Variants in ABTB3 observed in about 807,000 individuals in gnomAD.
ABTB3 encodes ankyrin repeat- and BTB/POZ domain-containing protein 3.
At chr12:107,458,741 T>A in the ABTB3 span, among the ~76,000 whole-genome samples, 1 of 152,034 alleles carries the variant, frequency 6.6e-6, no homozygotes, top group Non-Finnish European at 1.5e-5. Context: ...ACAGGCTGAG[T>A]TCCTCTAGAT....
chr12:107,583,609 C>T, the ABTB3 span, among the ~76,000 whole-genome samples: 1 of 152,222 alleles, frequency 6.6e-6, no homozygotes, highest in Non-Finnish European at 1.5e-5. Context: ...ATTTTGCAGA[C>T]TGAACATGAG....
chr12:107,341,425 TG>T, the ABTB3 span, among the ~76,000 whole-genome samples: 7 of 152,056 alleles, frequency 4.6e-5, no homozygotes, highest in Non-Finnish European at 1.0e-4. Flanking sequence ...ACCAAGTCAG[TG>T]CAAGACTGAG....
At chr12:107,435,229 C>T in the ABTB3 span, among the ~76,000 whole-genome samples, 1 of 152,280 alleles carries the variant, frequency 6.6e-6, no homozygotes, top group South Asian at 2.1e-4. Context: ...CAGTGCGTAC[C>T]CACCATTTCT....
At chr12:107,337,875 C>T in the ABTB3 span, among the ~76,000 whole-genome samples, 1 of 152,202 alleles carries the variant, frequency 6.6e-6, no homozygotes, top group African/African-American at 2.4e-5. Flanking sequence ...AAAGATAAAG[C>T]AACCACTTGT....
the ABTB3 span, among the ~76,000 whole-genome samples, chr12:107,342,791 T>G: frequency 6.6e-6 from 1 of 152,316 alleles, no homozygotes; most frequent in Admixed American, 6.5e-5. Context: ...TCAGCTTCAC[T>G]GCTGCAAATC....
chr12:107,579,710 T>C, the ABTB3 span, among the ~76,000 whole-genome samples: 1 of 152,220 alleles, frequency 6.6e-6, no homozygotes, highest in Non-Finnish European at 1.5e-5. Flanking sequence ...GTGGCCATGC[T>C]GGACTGAATG....
At chr12:107,430,616 T>C in the ABTB3 span, among the ~76,000 whole-genome samples, 1 of 152,212 alleles carries the variant, frequency 6.6e-6, no homozygotes, top group Non-Finnish European at 1.5e-5. Flanking sequence ...CCTTTCTCAA[T>C]GTATTGGCTG....
the ABTB3 span, among the ~76,000 whole-genome samples, chr12:107,539,945 G>A: frequency 9.9e-5 from 15 of 152,158 alleles, no homozygotes; most frequent in Non-Finnish European, 2.2e-4. Context: ...GCCTCTAAAA[G>A]AGAATGTCCT....
At chr12:107,406,992 G>C in the ABTB3 span, among the ~76,000 whole-genome samples, 2 of 152,056 alleles carry the variant, frequency 1.3e-5, no homozygotes, top group South Asian at 4.2e-4. Context: ...GGCTGCTTTT[G>C]ACCTTGGGGA....
At chr12:107,643,770 T>TTTG in the ABTB3 span, among the ~76,000 whole-genome samples, 18,013 of 140,034 alleles carry the variant, frequency 0.13, 1,547 homozygotes, top group African/African-American at 0.24. Context: ...TTTTTTTTTT[T>TTTG]GTTGAGAGAG....
At chr12:107,612,935 G>T in the ABTB3 span, 8 of 1,475,008 alleles carry the variant, frequency 5.4e-6, no homozygotes, top group South Asian at 1.2e-5. Flanking sequence ...AGCAAGAAAG[G>T]GGGGCTTTTT....
At chr12:107,580,924 C>T in the ABTB3 span, 1 of 1,551,542 alleles carries the variant, frequency 6.4e-7, no homozygotes, top group Non-Finnish European at 8.7e-7. Flanking sequence ...AACTGAGGCC[C>T]AAGGATTCCA....
chr12:107,600,927 G>C, the ABTB3 span, among the ~76,000 whole-genome samples: 1 of 152,240 alleles, frequency 6.6e-6, no homozygotes, highest in South Asian at 2.1e-4. Context: ...AGCAAGGAAA[G>C]ACCTGCCCTG....
chr12:107,412,989 T>C, the ABTB3 span, among the ~76,000 whole-genome samples: 9 of 152,246 alleles, frequency 5.9e-5, no homozygotes, highest in East Asian at 1.7e-3. Context: ...TTAATATGCA[T>C]TGAGGCCGGG....
the ABTB3 span, among the ~76,000 whole-genome samples, chr12:107,392,623 G>A: frequency 6.6e-6 from 1 of 152,084 alleles, no homozygotes; most frequent in South Asian, 2.1e-4. Context: ...CCCTCAGAAG[G>A]GCTATCTTTG....
the ABTB3 span, among the ~76,000 whole-genome samples, chr12:107,562,008 G>A: frequency 2.0e-5 from 3 of 152,056 alleles, no homozygotes; most frequent in Non-Finnish European, 4.4e-5. Context: ...AAAGCTTTTC[G>A]GAAGGTGGCA....
At chr12:107,463,939 G>T in the ABTB3 span, among the ~76,000 whole-genome samples, 4 of 152,166 alleles carry the variant, frequency 2.6e-5, no homozygotes, top group African/African-American at 9.7e-5. Flanking sequence ...GGGGGAATCT[G>T]CCCTCATCTC....
the ABTB3 span, among the ~76,000 whole-genome samples, chr12:107,619,491 T>G: frequency 2.0e-5 from 3 of 152,136 alleles, no homozygotes; most frequent in Non-Finnish European, 4.4e-5. Flanking sequence ...ACCAATGGGT[T>G]TCACCAACTC....
chr12:107,465,609 T>A, the ABTB3 span, among the ~76,000 whole-genome samples: 1 of 152,016 alleles, frequency 6.6e-6, no homozygotes, highest in Non-Finnish European at 1.5e-5. Flanking sequence ...GGGGCAGACC[T>A]CCCCTGTGAT....
Sources: allele counts gnomAD v4.1 joint callset (sites outside exome capture counted in the v4.1 genomes callset), GRCh38; gene constraint gnomAD v4.1.1; transcripts MANE v1.5; gene names NCBI Gene and HGNC (gene_info 2026-07-23, HGNC 2026-07-21).